The following NIN variants were observed in gnomAD, a reference collection of about 807,000 sequenced individuals.
The protein encoded by NIN is glycogen synthase kinase 3 beta-interacting protein.
Under a neutral mutation model 257.6 loss-of-function variants are expected in NIN, and 137 were observed. That is an observed-to-expected ratio of 0.53 (90% CI 0.46 to 0.61). The LOEUF (loss-of-function observed/expected upper bound fraction) is 0.61, where lower values mean the gene tolerates loss of function less well. Among genes scored for constraint, NIN ranks in the 20% least tolerant of loss-of-function variants. The probability of loss-of-function intolerance (pLI) is 0.00; values close to 1 mark genes in which losing one functional copy is unlikely to be tolerated. For synonymous variants in NIN, 918 were observed against 919.8 expected, an observed-to-expected ratio of 1.00 and a Z score of 0.04; for missense variants, 2,439 against 2,501.2, an observed-to-expected ratio of 0.98 and a Z score of 0.53.
intron 17 of NIN, 75 bp downstream of exon 17, chr14:50,759,782 C>T (rs2042203706): frequency 5.3e-6 from 8 of 1,498,642 alleles, no homozygotes; most frequent in Non-Finnish European, 7.1e-6. Flanking sequence ...AGCCACCGCG[C>T]CCAGCCACAA....
intron 12 of NIN, among the ~76,000 whole-genome samples, chr14:50,769,432 T>G (rs1490890209): frequency 6.6e-6 from 1 of 151,692 alleles, no homozygotes; most frequent in African/African-American, 2.4e-5. Context: ...GAGGCCGAGG[T>G]GGGAGGATCA....
At chr14:50,730,883 G>A in intron 28 of NIN, 3 of 1,318,204 alleles carry the variant, frequency 2.3e-6, no homozygotes, top group Non-Finnish European at 3.0e-6. Context: ...TAATGAGATG[G>A]CTCCATGCTA....
chr14:50,825,467 C>G (rs1380254957), intron 2 of NIN, among the ~76,000 whole-genome samples: 1 of 152,208 alleles, frequency 6.6e-6, no homozygotes, highest in African/African-American at 2.4e-5. Flanking sequence ...TACTATGAGT[C>G]TGGCCTAAAC....
chr14:50,784,958 G>T (rs2043281472), intron 5 of NIN, among the ~76,000 whole-genome samples: 2 of 152,208 alleles, frequency 1.3e-5, no homozygotes, highest in South Asian at 2.1e-4. Context: ...AGTAGGCAGA[G>T]GGGAGAAGGT....
chr14:50,825,377 T>G (rs1183523733), intron 2 of NIN, among the ~76,000 whole-genome samples: 1 of 152,202 alleles, frequency 6.6e-6, no homozygotes, highest in African/African-American at 2.4e-5. Context: ...TCCTCTATCT[T>G]TAAAAGCAGG....
chr14:50,723,716 CT>C, intron 30 of NIN, 44 bp from the exon 31 acceptor site: 1 of 1,537,814 alleles, frequency 6.5e-7, no homozygotes, highest in Non-Finnish European at 9.0e-7. Context: ...TTCTGTAACT[CT>C]TCTTAAACCT....
At chr14:50,729,772 G>C (rs1412715293) in intron 28 of NIN, 49 bp from the exon 29 acceptor site, 2 of 1,425,486 alleles carry the variant, frequency 1.4e-6, no homozygotes, top group East Asian at 4.7e-5. Flanking sequence ...TTCAATCCCA[G>C]AGCTGCCCTT....
In NIN at chr14:50,723,529, G is replaced by C; in HGVS notation, c.6336C>G (p.Ser2112Arg). ...KNYLLEEKIA[S>R]LSNIVRNLTP... ...TCAGATTCCTAACTATATTACTGAG[G>C]CTGGCAATCTTCTCCTCCAGGAGGT... The change falls in exon 31 of 31, where the codon AGC (serine) becomes AGG (arginine). Residue 2112 changes from serine (S) to arginine (R), a missense_variant. This residue lies in a region of NIN where 2,043 missense variants were observed against 2,050.2 expected (regional missense o/e 1.00). Coordinates refer to ENST00000530997, the MANE Select transcript of NIN (RefSeq NM_020921.4). 1 of 1,613,742 alleles carries C rather than the reference G, an allele frequency of 6.2e-7. No homozygotes were observed. The highest frequency in any genetic ancestry group is 8.5e-7 in the Non-Finnish European group (1 of 1,179,824).
intron 17 of NIN, 53 bp downstream of exon 17, chr14:50,759,804 A>G: frequency 1.3e-6 from 2 of 1,541,536 alleles, no homozygotes; most frequent in Non-Finnish European, 1.7e-6. Context: ...TGGCACTTCT[A>G]ATGCCCCGAG....
At chr14:50,753,968 ATTT>A (rs1209945080) in intron 20 of NIN, among the ~76,000 whole-genome samples, 2 of 152,050 alleles carry the variant, frequency 1.3e-5, no homozygotes, top group Non-Finnish European at 2.9e-5. Context: ...TCCAAAATAC[ATTT>A]TGGATGTTAA....
intron 18 of NIN, among the ~76,000 whole-genome samples, chr14:50,755,664 TTTTTTTTTTTTTTTA>T (rs775339802): frequency 0.028 from 1,576 of 55,752 alleles, 34 homozygotes; most frequent in Non-Finnish European, 0.043. Context: ...TTTTTTTTTT[TTTTTTTTTTTTTTTA>T]AAAGAGACAG....
Position 50,771,370 on chromosome 14 carries a change from C to A in NIN, c.1080G>T (p.Ala360=). ...TTTCAGCCTTAAAGCTGGCCAGAGC[C>A]GCCTGGTGAATGCTGTTCTTGGTAA... is the stretch of plus-strand genomic sequence containing the variant. The part of the protein sequence containing the change: ...LLVTKNSIHQ[A]ALASFKAEIR... The change falls in exon 10 of 31, where the codon GCG becomes GCT. Residue 360 remains alanine, a synonymous_variant. Coordinates refer to ENST00000530997, the MANE Select transcript of NIN (RefSeq NM_020921.4). The A allele has an allele frequency of 6.2e-7, 1 of 1,614,182 alleles. No individual in the cohort carries two copies.
chr14:50,738,269 G>A lies in NIN; in HGVS notation c.5646C>T (p.Ser1882=), dbSNP rs779119180. The change falls in exon 27 of 31, where the codon TCC becomes TCT. Residue 1882 remains serine (S), a synonymous_variant. Transcript: ENST00000530997. ...GTTTTTGGTGCTTGGGAAGAAGATT[G>A]GATTCCAACTGACGGACCTAACAGG... is the stretch of plus-strand genomic sequence containing the variant. ...HSREKVRQLE[S]NLLPKHQKHL... 5 of 1,613,540 alleles carry A rather than the reference G, an allele frequency of 3.1e-6. No homozygotes were observed. In the South Asian group the frequency reaches 5.5e-5, roughly 18 times the overall value.
intron 2 of NIN, 68 bp from the exon 3 acceptor site, chr14:50,822,145 G>A (rs1566883936): frequency 9.0e-7 from 1 of 1,111,858 alleles, no homozygotes; most frequent in Non-Finnish European, 1.3e-6. Flanking sequence ...TCACCACCTG[G>A]CACATTCCCG....
rs1426654327 is a variant in NIN at position 50,757,179 on chromosome 14, G to A, written c.3851C>T (p.Thr1284Ile). Residue 1284 changes from threonine to isoleucine, a missense_variant, in exon 18 of 31, where the codon ACT becomes ATT. By Grantham distance (89) the Thr-to-Ile change is moderately conservative (BLOSUM62 -1). This residue lies in a region of NIN where 2,043 missense variants were observed against 2,050.2 expected (regional missense o/e 1.00). Coordinates refer to ENST00000530997, the MANE Select transcript of NIN (RefSeq NM_020921.4). ...DEALENNKELTAEVFRLQDEL... is the reference protein window; with the variant it reads ...DEALENNKELIAEVFRLQDEL... The stretch of plus-strand genomic sequence containing the variant: ...ATCCTGCAACCTGAAAACCTCTGCA[G>A]TGAGTTCTTTGTTATTTTCTAGTGC... 6.2e-7 allele frequency: 1 copy of A among 1,613,540 alleles called. No homozygotes were observed. The highest frequency in any genetic ancestry group is 1.7e-4 in the Middle Eastern group (1 of 6,058).
In NIN at chr14:50,821,412, G is replaced by A. The variant is rs190969373; in HGVS notation, c.183+462C>T. Among the ~76,000 whole-genome samples, 98 of 152,288 alleles carry A rather than the reference G, an allele frequency of 6.4e-4. 1 individual carries two copies. In the Middle Eastern group the frequency reaches 0.01, roughly 16 times the overall value. ...AACCTGCACTGTATTTATTTACCCT[G>A]CTGTCTTATTTCCTGGGTAGAAAGT... On this transcript the variant is annotated intron_variant, in intron 3 of 30. Transcript: ENST00000530997.
chr14:50,798,149 T>G (rs988803251), intron 4 of NIN, among the ~76,000 whole-genome samples: 4 of 152,176 alleles, frequency 2.6e-5, no homozygotes, highest in Admixed American at 2.0e-4. Context: ...GCACCACACT[T>G]CTGTGTGCAC....
chr14:50,750,066 C>T (rs2041723182), intron 21 of NIN, among the ~76,000 whole-genome samples: 1 of 152,096 alleles, frequency 6.6e-6, no homozygotes, highest in Admixed American at 6.6e-5. Context: ...TTTTGGTGAT[C>T]AAATTGTTCC....
At chr14:50,775,761 G>A (rs1222721873) in intron 7 of NIN, among the ~76,000 whole-genome samples, 2 of 152,078 alleles carry the variant, frequency 1.3e-5, no homozygotes, top group Non-Finnish European at 2.9e-5. Flanking sequence ...ATCCAAGTTT[G>A]TGCAATATTT....
Sources: gnomAD v4.1 joint callset for allele counts (sites outside exome capture counted in the v4.1 genomes callset) on GRCh38, gnomAD v4.1.1 for gene constraint, gnomAD v4.1.1 regional missense constraint, MANE v1.5 for transcripts, NCBI Gene and HGNC (gene_info 2026-07-23, HGNC 2026-07-21) for gene names.